Variants in SPOCK1 observed in about 807,000 individuals in gnomAD.
SPOCK1 encodes the protein SPARC (osteonectin), cwcv and kazal like domains proteoglycan 1.
SPOCK1 carries 23 observed loss-of-function variants against 55.3 expected under a neutral mutation model. The observed-to-expected ratio is 0.42, with a 90% CI of 0.30 to 0.59. The LOEUF is 0.59. SPOCK1 is among the 20% of genes least tolerant of loss of function. SPOCK1 has a pLI of 0.22. For missense variants in SPOCK1, 499 were observed against 552.5 expected (o/e 0.90, Z 0.97); for synonymous variants, 226 against 221.0 (o/e 1.02, Z -0.20).
chr5:137,387,157 C>T (rs1751614804), intron 2 of SPOCK1, among the ~76,000 whole-genome samples: 1 of 152,196 alleles, frequency 6.6e-6, no homozygotes, highest in South Asian at 2.1e-4. Context: ...ACACTGACAC[C>T]ACCAAATGCT....
chr5:137,401,313 T>G (rs923172258), intron 2 of SPOCK1, among the ~76,000 whole-genome samples: 4 of 152,168 alleles, frequency 2.6e-5, no homozygotes, highest in African/African-American at 9.7e-5. Flanking sequence ...TGATAGCTAA[T>G]AAAAGCTAAA....
chr5:137,452,762 CACATGGGCAGTTAT>C (rs1753282280), intron 2 of SPOCK1, among the ~76,000 whole-genome samples: 1 of 152,202 alleles, frequency 6.6e-6, no homozygotes, highest in African/African-American at 2.4e-5. Context: ...GCATCCTTGG[CACATGGGCAGTTAT>C]CTATCCTATG....
intron 5 of SPOCK1, among the ~76,000 whole-genome samples, chr5:137,105,944 C>G (rs573748260): frequency 1.3e-5 from 2 of 152,172 alleles, no homozygotes; most frequent in East Asian, 1.9e-4. Context: ...TGCCAGTGAA[C>G]AGTGCTGGCT....
At chr5:136,997,221 T>C (rs1343627971) in intron 6 of SPOCK1, among the ~76,000 whole-genome samples, 1 of 152,062 alleles carries the variant, frequency 6.6e-6, no homozygotes, top group Non-Finnish European at 1.5e-5. Context: ...AGTCAGAAAA[T>C]GGTACCAGCA....
chr5:137,276,832 A>G (rs937101200), intron 2 of SPOCK1, among the ~76,000 whole-genome samples: 2 of 152,120 alleles, frequency 1.3e-5, no homozygotes, highest in Non-Finnish European at 2.9e-5. Flanking sequence ...TTTCTGCCCA[A>G]TGGCCCCACC....
intron 3 of SPOCK1, among the ~76,000 whole-genome samples, chr5:137,149,683 T>G (rs1451759215): frequency 6.6e-6 from 1 of 152,246 alleles, no homozygotes; most frequent in Non-Finnish European, 1.5e-5. Context: ...ATTAACTCTT[T>G]TGGTGCTGAT....
At chr5:137,391,145 C>T (rs1277256557) in intron 2 of SPOCK1, among the ~76,000 whole-genome samples, 1 of 152,068 alleles carries the variant, frequency 6.6e-6, no homozygotes, top group Non-Finnish European at 1.5e-5. Flanking sequence ...AGCGAGAACA[C>T]GCAGTGTCTG....
intron 2 of SPOCK1, among the ~76,000 whole-genome samples, chr5:137,457,936 G>A (rs1421993668): frequency 6.6e-6 from 1 of 152,094 alleles, no homozygotes; most frequent in African/African-American, 2.4e-5. Flanking sequence ...TCTGTTTTGT[G>A]GTTATTAAAA....
intron 2 of SPOCK1, among the ~76,000 whole-genome samples, chr5:137,409,499 T>C (rs973428435): frequency 2.6e-5 from 4 of 152,192 alleles, no homozygotes; most frequent in Non-Finnish European, 5.9e-5. Context: ...ATATCTCAAA[T>C]CTGCCATGTG....
intron 2 of SPOCK1, among the ~76,000 whole-genome samples, chr5:137,300,438 T>A (rs772091954): frequency 1.3e-5 from 2 of 152,232 alleles, no homozygotes; most frequent in African/African-American, 2.4e-5. Flanking sequence ...ATTTGTATTG[T>A]ATAGAACATA....
At chr5:137,063,892 TC>T (rs1471054376) in intron 6 of SPOCK1, among the ~76,000 whole-genome samples, 1 of 152,168 alleles carries the variant, frequency 6.6e-6, no homozygotes, top group Non-Finnish European at 1.5e-5. Context: ...ACAGAACAGA[TC>T]CATGAAGAGA....
intron 2 of SPOCK1, among the ~76,000 whole-genome samples, chr5:137,330,412 C>A (rs1343464983): frequency 1.3e-5 from 2 of 152,178 alleles, no homozygotes; most frequent in Non-Finnish European, 2.9e-5. Flanking sequence ...TCCTTAAATG[C>A]ATCAGCATTT....
intron 2 of SPOCK1, among the ~76,000 whole-genome samples, chr5:137,401,720 G>A (rs974085876): frequency 2.6e-5 from 4 of 152,094 alleles, no homozygotes; most frequent in African/African-American, 9.6e-5. Context: ...TTCCACCCTG[G>A]GTGACACAGT....
chr5:137,068,796 A>G (rs891323036), intron 5 of SPOCK1, among the ~76,000 whole-genome samples: 8 of 152,204 alleles, frequency 5.3e-5, no homozygotes, highest in Admixed American at 4.6e-4. Context: ...TGTGTGGCTA[A>G]TTATGCAACT....
At chr5:137,220,431 T>G (rs1190140566) in intron 3 of SPOCK1, among the ~76,000 whole-genome samples, 2 of 152,210 alleles carry the variant, frequency 1.3e-5, no homozygotes, top group Non-Finnish European at 2.9e-5. Context: ...CTAAGTATTA[T>G]CACACGCAAG....
chr5:137,346,018 C>G (rs752044157), intron 2 of SPOCK1, among the ~76,000 whole-genome samples: 1 of 152,220 alleles, frequency 6.6e-6, no homozygotes, highest in Non-Finnish European at 1.5e-5. Context: ...AGCGAAGCAG[C>G]TGCCCAAGGC....
chr5:137,030,086 C>T (rs1271913644), intron 6 of SPOCK1, among the ~76,000 whole-genome samples: 3 of 152,222 alleles, frequency 2.0e-5, no homozygotes, highest in African/African-American at 7.2e-5. Context: ...TGAGTTCACA[C>T]ACTGTATTAT....
At chr5:137,477,903 C>T (rs1235229123) in intron 2 of SPOCK1, among the ~76,000 whole-genome samples, 2 of 152,212 alleles carry the variant, frequency 1.3e-5, no homozygotes, top group Admixed American at 1.3e-4. Flanking sequence ...TTTCTGTCAA[C>T]TTGCTGGCTG....
intron 6 of SPOCK1, among the ~76,000 whole-genome samples, chr5:137,019,874 TAGAAA>T (rs1226392559): frequency 3.3e-5 from 5 of 151,964 alleles, no homozygotes; most frequent in African/African-American, 7.2e-5. Context: ...TCTTGGAAGT[TAGAAA>T]ATGTAACACA....
Sources: allele counts gnomAD v4.1 joint callset (sites outside exome capture counted in the v4.1 genomes callset), GRCh38; gene constraint gnomAD v4.1.1; transcripts MANE v1.5; gene names NCBI Gene and HGNC (gene_info 2026-07-23, HGNC 2026-07-21).